The following CROT variants were observed in gnomAD, a reference collection of about 807,000 sequenced individuals.
CROT encodes carnitine O-octanoyltransferase.
In CROT, 84 loss-of-function variants were observed where a neutral mutation model predicts 89.2. That is an observed-to-expected ratio of 0.94 (90% CI 0.79 to 1.13). The LOEUF is 1.13. CROT is among the 50% of genes most tolerant of loss of function. The pLI is 0.00. For synonymous variants in CROT, 212 were observed against 239.5 expected, an observed-to-expected ratio of 0.89 and a Z score of 1.06; for missense variants, 711 against 727.8, an observed-to-expected ratio of 0.98 and a Z score of 0.27.
chr7:87,390,659 C>T (rs986003488), intron 13 of CROT, among the ~76,000 whole-genome samples: 2 of 152,104 alleles, frequency 1.3e-5, no homozygotes, highest in African/African-American at 4.8e-5. Context: ...AGTTTTATAC[C>T]TAAAATTGCT....
In CROT at chr7:87,359,201, T is replaced by C; in HGVS notation, c.116-5T>C. On this transcript the variant is annotated splice_polypyrimidine_tract_variant and splice_region_variant and intron_variant, in intron 3 of 17. Transcript: ENST00000331536. ...AATACCTTAATACGTATTTTTCCTT[T>C]CTAGTGAAACCATTTGCAAATCAAG... 1 of 1,553,232 alleles carries C rather than the reference T, an allele frequency of 6.4e-7. No individual in the cohort carries two copies. Among genetic ancestry groups the C allele is most frequent in the Non-Finnish European group, 8.9e-7 (1 of 1,129,706 alleles).
chr7:87,363,521 A>G (rs1363527786), intron 6 of CROT, among the ~76,000 whole-genome samples: 2 of 152,290 alleles, frequency 1.3e-5, no homozygotes, highest in East Asian at 3.9e-4. Flanking sequence ...GGGCAGGAAT[A>G]AACTTGGCAG....
intron 3 of CROT, among the ~76,000 whole-genome samples, chr7:87,352,327 A>G (rs1805894914): frequency 6.6e-6 from 1 of 152,226 alleles, no homozygotes; most frequent in South Asian, 2.1e-4. Flanking sequence ...CCTGCCCTGG[A>G]TCCATCATGT....
At chr7:87,350,672 C>T (rs1348556780) in intron 3 of CROT, among the ~76,000 whole-genome samples, 2 of 152,078 alleles carry the variant, frequency 1.3e-5, no homozygotes, top group African/African-American at 2.4e-5. Context: ...CATAACCATC[C>T]CCAAGGAGAA....
At chr7:87,389,610 C>T (rs973640800) in intron 13 of CROT, among the ~76,000 whole-genome samples, 4 of 135,744 alleles carry the variant, frequency 2.9e-5, no homozygotes, top group Admixed American at 7.5e-5. Context: ...CATCACACAC[C>T]GGGGGCTGTC....
intron 15 of CROT, 27 bp from the exon 16 acceptor site, chr7:87,392,703 A>G (rs1230907860): frequency 1.2e-6 from 2 of 1,611,304 alleles, no homozygotes; most frequent in Non-Finnish European, 1.7e-6. Context: ...ATTTTTTTCT[A>G]ACCTGAGATT....
intron 10 of CROT, among the ~76,000 whole-genome samples, chr7:87,381,131 CCTT>C (rs1404573556): frequency 6.6e-6 from 1 of 152,180 alleles, no homozygotes; most frequent in East Asian, 1.9e-4. Flanking sequence ...ATACTACTTC[CCTT>C]CTTTCCCTCC....
At chr7:87,389,754 C>A in intron 13 of CROT, among the ~76,000 whole-genome samples, 1 of 152,080 alleles carries the variant, frequency 6.6e-6, no homozygotes, top group South Asian at 2.1e-4. Flanking sequence ...ACATGTATCC[C>A]AGAACTTTAA....
intron 14 of CROT, among the ~76,000 whole-genome samples, chr7:87,391,942 T>G (rs959300085): frequency 6.6e-6 from 1 of 152,174 alleles, no homozygotes; most frequent in Non-Finnish European, 1.5e-5. Flanking sequence ...AGGCAAAGGG[T>G]CTTCAGTACT....
chr7:87,368,021 G>A (rs898436284), intron 6 of CROT, among the ~76,000 whole-genome samples: 2 of 152,048 alleles, frequency 1.3e-5, no homozygotes, highest in Admixed American at 6.6e-5. Context: ...CCATCATACT[G>A]GAAACCACTT....
intron 4 of CROT, among the ~76,000 whole-genome samples, chr7:87,360,879 A>G (rs547598497): frequency 3.3e-5 from 5 of 152,332 alleles, no homozygotes; most frequent in African/African-American, 1.2e-4. Flanking sequence ...AAAACAAATA[A>G]TACCTAAGAT....
chr7:87,381,395 A>T (rs962532688), intron 10 of CROT, among the ~76,000 whole-genome samples: 1 of 152,180 alleles, frequency 6.6e-6, no homozygotes, highest in East Asian at 1.9e-4. Flanking sequence ...TAAACTGAGA[A>T]TTATCACATT....
At chr7:87,380,575 T>C (rs1806962142) in intron 10 of CROT, among the ~76,000 whole-genome samples, 1 of 152,202 alleles carries the variant, frequency 6.6e-6, no homozygotes, top group Non-Finnish European at 1.5e-5. Context: ...ACTATGTAAA[T>C]ACATATTGCC....
rs533521933 is a variant in CROT at position 87,362,298 on chromosome 7, C to T, written c.547+446C>T. ...TATATGAGGTAAAAGCCTGGAGTCA[C>T]TCTTCCTTTTTTTTTTTTTTTTTTT... On this transcript the variant is annotated intron_variant, in intron 6 of 17. Coordinates refer to ENST00000331536, the MANE Select transcript of CROT (RefSeq NM_021151.4). Among the ~76,000 whole-genome samples the T allele has an allele frequency of 2.7e-5, 4 of 148,422 alleles. No individual in the cohort carries two copies. The East Asian group carries it at 7.8e-4, about 29-fold the overall frequency.
At chr7:87,386,372 T>C (rs576943519) in intron 13 of CROT, among the ~76,000 whole-genome samples, 50 of 152,298 alleles carry the variant, frequency 3.3e-4, no homozygotes, top group African/African-American at 1.2e-3. Flanking sequence ...GTTTTCTATG[T>C]CTTTATGTTT....
At chr7:87,347,406 C>T (rs1015739200) in intron 2 of CROT, among the ~76,000 whole-genome samples, 1 of 152,296 alleles carries the variant, frequency 6.6e-6, no homozygotes, top group African/African-American at 2.4e-5. Context: ...GTATGATTAA[C>T]CACTCTAAGA....
intron 6 of CROT, among the ~76,000 whole-genome samples, chr7:87,368,150 T>C (rs1374688676): frequency 6.6e-6 from 1 of 152,202 alleles, no homozygotes; most frequent in Non-Finnish European, 1.5e-5. Flanking sequence ...TTCTAATGCC[T>C]TTGTGCTTGC....
At chr7:87,371,831 A>T (rs918403125) in intron 7 of CROT, among the ~76,000 whole-genome samples, 4 of 152,012 alleles carry the variant, frequency 2.6e-5, no homozygotes, top group African/African-American at 9.7e-5. Context: ...TCTCTATAAA[A>T]AGTTAAAAAA....
In CROT at chr7:87,379,420, T is replaced by A. The variant is rs555215993; in HGVS notation, c.978+1970T>A. 7.2e-5 allele frequency among the ~76,000 whole-genome samples: 11 copies of A among 152,348 alleles called. No individual in the cohort carries two copies. In the South Asian group the frequency reaches 2.3e-3, roughly 32 times the overall value. On this transcript the variant is annotated intron_variant, in intron 10 of 17. Transcript: ENST00000331536. ...GTTCAAATTGGATGTTATATTGTTA[T>A]ATAAGAGTAAGTCAATCTCATCAAG...
Sources: allele counts gnomAD v4.1 joint callset (sites outside exome capture counted in the v4.1 genomes callset), GRCh38; gene constraint gnomAD v4.1.1; transcripts MANE v1.5; gene names NCBI Gene and HGNC (gene_info 2026-07-23, HGNC 2026-07-21).